The following INPP4A variants were observed in gnomAD, a reference collection of about 807,000 sequenced individuals.
INPP4A encodes the protein inositol polyphosphate-4-phosphatase type I A, also known as inositol polyphosphate-4-phosphatase, type I, 107kD.
In INPP4A, 33 loss-of-function variants were observed where a neutral mutation model predicts 119.8. That is an observed-to-expected ratio of 0.28 (90% confidence interval 0.21 to 0.37). The LOEUF is 0.37. INPP4A is among the 10% of genes least tolerant of loss of function. The pLI is 1.00. For missense variants in INPP4A, 956 were observed against 1,289.9 expected, an observed-to-expected ratio of 0.74 and a Z score of 3.97; for synonymous variants, 496 against 500.7, an observed-to-expected ratio of 0.99 and a Z score of 0.12.
At chr2:98,448,843 T>C (rs1008426515) in intron 1 of INPP4A, among the ~76,000 whole-genome samples, 1 of 152,052 alleles carries the variant, frequency 6.6e-6, no homozygotes, top group African/African-American at 2.4e-5. Flanking sequence ...AGCTGGACTA[T>C]AGGTGTGTGC....
chr2:98,536,351 T>C (rs891962147), intron 7 of INPP4A, 143 bp downstream of exon 7: 1 of 622,014 alleles, frequency 1.6e-6, no homozygotes, highest in African/African-American at 1.8e-5. Context: ...TGTTGTCTAT[T>C]GAGGCGAAAC....
chr2:98,545,056 T>A (rs1692223624), intron 11 of INPP4A, among the ~76,000 whole-genome samples: 1 of 152,212 alleles, frequency 6.6e-6, no homozygotes, highest in African/African-American at 2.4e-5. Flanking sequence ...TGTGTTGAAG[T>A]GGCAGTCTGG....
rs150235120 is a variant in INPP4A at position 98,516,855 on chromosome 2, C to G, written c.-165-2109C>G. Among the ~76,000 whole-genome samples the G allele has an allele frequency of 1.4e-3, 208 of 152,252 alleles. 2 individuals carry two copies. The highest frequency in any genetic ancestry group is 4.8e-3 in the African/African-American group (200 of 41,536). On this transcript the variant is annotated intron_variant, in intron 1 of 24. Coordinates refer to ENST00000409851, the MANE Select transcript of INPP4A (RefSeq NM_001134225.2). ...CTTGATGCAGCCGCCTGCTGGCTGT[C>G]CCCTCTGTACAGTACCTCTTTAAAT...
intron 4 of INPP4A, among the ~76,000 whole-genome samples, chr2:98,533,142 C>T (rs773650674): frequency 7.2e-5 from 11 of 152,196 alleles, no homozygotes; most frequent in South Asian, 6.2e-4. Context: ...CCCCCGTCAG[C>T]GCAGCCTTTC....
chr2:98,460,929 T>C (rs1697032991), intron 1 of INPP4A, among the ~76,000 whole-genome samples: 1 of 151,992 alleles, frequency 6.6e-6, no homozygotes, highest in African/African-American at 2.4e-5. Context: ...AGCATTGGGG[T>C]GTAAAGAAAC....
chr2:98,574,965 C>T (rs1443075326), intron 23 of INPP4A, among the ~76,000 whole-genome samples: 1 of 152,098 alleles, frequency 6.6e-6, no homozygotes, highest in African/African-American at 2.4e-5. Flanking sequence ...CTCTCAGAGA[C>T]CCTTGGCTGC....
intron 14 of INPP4A, among the ~76,000 whole-genome samples, chr2:98,553,833 C>T (rs979017468): frequency 6.6e-6 from 1 of 152,188 alleles, no homozygotes; most frequent in Non-Finnish European, 1.5e-5. Context: ...ACCCAGAACC[C>T]AGAACTTGAG....
At position 98,546,648 on chromosome 2, in the gene INPP4A, G is replaced by A. The variant is rs1306277360; in HGVS notation, c.1117G>A (p.Gly373Arg). 1.9e-6 allele frequency: 3 copies of A among 1,613,926 alleles called. No homozygotes were observed. The highest frequency in any genetic ancestry group is 1.6e-4 in the Middle Eastern group (1 of 6,062). ...PAAHCQGFKSGGLRKKLHKFE... is the reference protein window; with the variant it reads ...PAAHCQGFKSRGLRKKLHKFE... ...AGCACACTGCCAAGGTTTTAAGTCA[G>A]GAGGTCTCCGCAAAAAGCTGCACAA... is the stretch of plus-strand genomic sequence containing the variant. Residue 373 changes from glycine to arginine, a missense_variant, in exon 13 of 25, where the codon GGA becomes AGA. Coordinates refer to ENST00000409851, the MANE Select transcript of INPP4A (RefSeq NM_001134225.2). The surrounding 1 kb of genome is among the most constrained non-coding windows in gnomAD (Gnocchi z 4.2).
At chr2:98,520,344 C>A (rs1380943824) in intron 3 of INPP4A, among the ~76,000 whole-genome samples, 190 bp downstream of exon 3, 1 of 152,210 alleles carries the variant, frequency 6.6e-6, no homozygotes, top group Non-Finnish European at 1.5e-5. Flanking sequence ...TTCCTGTGAA[C>A]CGCTTCTGCT....
chr2:98,534,061 GTTTTA>G (rs1689738832), intron 5 of INPP4A, among the ~76,000 whole-genome samples: 1 of 152,020 alleles, frequency 6.6e-6, no homozygotes, highest in African/African-American at 2.4e-5. Flanking sequence ...ATTCTGCAGA[GTTTTA>G]TTTGTAAAGT....
intron 10 of INPP4A, among the ~76,000 whole-genome samples, chr2:98,540,029 TC>T (rs543007411): frequency 6.6e-6 from 1 of 152,138 alleles, no homozygotes; most frequent in Non-Finnish European, 1.5e-5. Flanking sequence ...TCTCCCAGGT[TC>T]AAGTAATTCT....
intron 9 of INPP4A, 30 bp downstream of exon 9, chr2:98,539,011 C>T (rs368886270): frequency 7.8e-6 from 11 of 1,407,552 alleles, no homozygotes; most frequent in East Asian, 6.9e-5. Context: ...GGTATTCTTG[C>T]CTCTCTAGTG....
chr2:98,509,251 G>A (rs1363463834), intron 1 of INPP4A, among the ~76,000 whole-genome samples: 2 of 152,222 alleles, frequency 1.3e-5, no homozygotes, highest in African/African-American at 2.4e-5. Flanking sequence ...CTGGCCTGTG[G>A]CCTGTTAGGA....
intron 1 of INPP4A, among the ~76,000 whole-genome samples, chr2:98,452,646 C>T (rs1218747157): frequency 6.6e-6 from 1 of 152,044 alleles, no homozygotes; most frequent in African/African-American, 2.4e-5. Context: ...CCTTCCCCTG[C>T]CCCCCATTCG....
chr2:98,462,028 TG>T (rs1697254456), intron 1 of INPP4A, among the ~76,000 whole-genome samples: 1 of 152,158 alleles, frequency 6.6e-6, no homozygotes, highest in African/African-American at 2.4e-5. Context: ...AAAAAGAGGG[TG>T]GGGTTAGACG....
intron 1 of INPP4A, among the ~76,000 whole-genome samples, chr2:98,463,458 G>A (rs1674031677): frequency 3.3e-5 from 5 of 152,238 alleles, no homozygotes; most frequent in Admixed American, 3.3e-4. Flanking sequence ...GAAGGCAACG[G>A]CCTGGGCAGC....
At chr2:98,456,304 G>C (rs559711555) in intron 1 of INPP4A, among the ~76,000 whole-genome samples, 3 of 152,280 alleles carry the variant, frequency 2.0e-5, no homozygotes, top group South Asian at 4.1e-4. Flanking sequence ...ACGTTACAGG[G>C]AGGTTGCCAT....
rs113173979 is a variant in INPP4A at position 98,497,645 on chromosome 2, G to A, written c.-165-21319G>A. Among the ~76,000 whole-genome samples, 89 of 152,290 alleles carry A rather than the reference G, an allele frequency of 5.8e-4. 1 individual carries two copies. The highest frequency in any genetic ancestry group is 5.4e-3 in the Admixed American group (83 of 15,302). ...TTTGAGTTCCTTGTATGTTTCTGAC[G>A]TTAACCCCTTGTCTAATATGTAGTT... On this transcript the variant is annotated intron_variant, in intron 1 of 24. Transcript: ENST00000409851.
chr2:98,499,620 A>G (rs1448501414), intron 1 of INPP4A, among the ~76,000 whole-genome samples: 1 of 152,196 alleles, frequency 6.6e-6, no homozygotes, highest in Non-Finnish European at 1.5e-5. Flanking sequence ...AGGGCAGGGC[A>G]GCTAAAAAAT....
Sources: gnomAD v4.1 joint callset for allele counts (sites outside exome capture counted in the v4.1 genomes callset) on GRCh38, gnomAD v4.1.1 for gene constraint, Gnocchi (gnomAD v3.1) non-coding constraint, MANE v1.5 for transcripts, NCBI Gene and HGNC (gene_info 2026-07-23, HGNC 2026-07-21) for gene names.